The following MGAT4C variants were observed in gnomAD, a reference collection of about 807,000 sequenced individuals.
The protein encoded by MGAT4C is alpha-1,3-mannosyl-glycoprotein 4-beta-N-acetylglucosaminyltransferase C.
MGAT4C carries 19 observed loss-of-function variants against 40.1 expected under a neutral mutation model. That is an observed-to-expected ratio of 0.47 (90% CI 0.33 to 0.70). The LOEUF (loss-of-function observed/expected upper bound fraction) is 0.70, where lower values mean the gene tolerates loss of function less well. Ranked by LOEUF, MGAT4C falls within the 30% of genes least tolerant of loss-of-function variation. The pLI is 0.02. For missense variants in MGAT4C, 491 were observed against 563.2 expected, an observed-to-expected ratio of 0.87 and a Z score of 1.30; for synonymous variants, 181 against 187.1, an observed-to-expected ratio of 0.97 and a Z score of 0.27.
chr12:86,559,856 AGTTGTT>A (rs931389336), intron 2 of MGAT4C, among the ~76,000 whole-genome samples: 6 of 151,962 alleles, frequency 3.9e-5, no homozygotes, highest in Non-Finnish European at 7.4e-5. Context: ...TGAAATAAAT[AGTTGTT>A]GTTGTTGTGT....
chr12:86,136,260 A>G (rs1881937329), intron 1 of MGAT4C, among the ~76,000 whole-genome samples: 1 of 152,168 alleles, frequency 6.6e-6, no homozygotes, highest in Non-Finnish European at 1.5e-5. Context: ...GGTGGGAAAA[A>G]CAAAATGAAA....
At chr12:86,517,850 C>T (rs564222463) in intron 2 of MGAT4C, among the ~76,000 whole-genome samples, 1 of 152,138 alleles carries the variant, frequency 6.6e-6, no homozygotes, top group East Asian at 1.9e-4. Flanking sequence ...GGGGTTTCAC[C>T]GTATTAGCCA....
chr12:86,465,487 G>A (rs1255864209), intron 2 of MGAT4C, among the ~76,000 whole-genome samples: 1 of 151,738 alleles, frequency 6.6e-6, no homozygotes, highest in Non-Finnish European at 1.5e-5. Context: ...TATAATAAAA[G>A]GCCATTATCC....
chr12:86,109,733 C>T lies in MGAT4C; in HGVS notation c.-56-60010G>A, dbSNP rs58736153. On this transcript the variant is annotated intron_variant, in intron 1 of 4. Coordinates refer to ENST00000611864, the MANE Select transcript of MGAT4C (RefSeq NM_001351288.2). Reference sequence around the variant, plus strand: ...ATTATGTCTACCATGTGGCTAGTCACACATTTTTTTAAAAAAAGTGGTAGG... The same window carrying T: ...ATTATGTCTACCATGTGGCTAGTCATACATTTTTTTAAAAAAAGTGGTAGG... Among the ~76,000 whole-genome samples, 474 of 152,026 alleles carry T rather than the reference C, an allele frequency of 3.1e-3. 1 individual carries two copies. Among genetic ancestry groups the T allele is most frequent in the African/African-American group, 0.011 (463 of 41,484 alleles).
rs143738757 is a variant in MGAT4C, at chr12:86,777,626, G to A, written c.-261-50385C>T. Reference sequence around the variant, plus strand: ...TCTCTTATTCAAGGGTGTTAGTTTTGGAAAACTAGAGAGCTGAGATAGAGG... The same window carrying A: ...TCTCTTATTCAAGGGTGTTAGTTTTAGAAAACTAGAGAGCTGAGATAGAGG... On this transcript the variant is annotated intron_variant, in intron 1 of 7. Coordinates refer to the MGAT4C transcript ENST00000548651. Among the ~76,000 whole-genome samples, 64 of 152,178 alleles carry A rather than the reference G, an allele frequency of 4.2e-4. 1 individual carries two copies. Among genetic ancestry groups the A allele is most frequent in the Admixed American group, 1.2e-3 (19 of 15,268 alleles).
At chr12:86,489,941 G>A (rs1160107420) in intron 2 of MGAT4C, among the ~76,000 whole-genome samples, 3 of 151,944 alleles carry the variant, frequency 2.0e-5, no homozygotes, top group South Asian at 2.1e-4. Flanking sequence ...CCAAATCTAC[G>A]TCTAATTGGT....
intron 1 of MGAT4C, among the ~76,000 whole-genome samples, chr12:86,159,596 T>G (rs982537228): frequency 6.6e-6 from 1 of 151,988 alleles, no homozygotes; most frequent in African/African-American, 2.4e-5. Flanking sequence ...TTTAGTAGAA[T>G]TGGTATATTT....
intron 2 of MGAT4C, among the ~76,000 whole-genome samples, chr12:86,504,210 A>G (rs1958429810): frequency 6.6e-6 from 1 of 152,242 alleles, no homozygotes; most frequent in East Asian, 1.9e-4. Flanking sequence ...TTCATATATT[A>G]TTGGTATATT....
intron 2 of MGAT4C, among the ~76,000 whole-genome samples, chr12:86,444,523 T>A (rs1957298974): frequency 6.6e-6 from 1 of 152,198 alleles, no homozygotes; most frequent in Non-Finnish European, 1.5e-5. Context: ...TGATCTCAAT[T>A]CCTGGCTCTC....
chr12:86,566,299 G>A (rs1041298903), intron 2 of MGAT4C, among the ~76,000 whole-genome samples: 3 of 151,404 alleles, frequency 2.0e-5, no homozygotes, highest in African/African-American at 4.9e-5. Flanking sequence ...AATCTAATCC[G>A]CTGCCAGCAC....
intron 2 of MGAT4C, among the ~76,000 whole-genome samples, chr12:86,021,477 C>G (rs1436932547): frequency 6.6e-6 from 1 of 150,912 alleles, no homozygotes; most frequent in Non-Finnish European, 1.5e-5. Context: ...TCTCAGCAAA[C>G]TATTGCAAGG....
intron 3 of MGAT4C, among the ~76,000 whole-genome samples, chr12:86,359,415 A>C (rs1566319745): frequency 1.3e-5 from 2 of 152,198 alleles, no homozygotes. Context: ...CAATTAAAAG[A>C]ACTAGAGAAG....
At chr12:86,369,197 T>C (rs1013641400) in intron 3 of MGAT4C, among the ~76,000 whole-genome samples, 3 of 152,000 alleles carry the variant, frequency 2.0e-5, no homozygotes, top group African/African-American at 4.8e-5. Flanking sequence ...AATTTTCCAT[T>C]GCATGGAATA....
At chr12:86,480,814 T>C (rs17040806) in intron 2 of MGAT4C, among the ~76,000 whole-genome samples, 9,786 of 151,884 alleles carry the variant, frequency 0.064, 750 homozygotes, top group East Asian at 0.23. Context: ...TGATGCTCTC[T>C]TCCCTTCTCT....
chr12:86,772,155 G>T (rs1951651141), intron 1 of MGAT4C, among the ~76,000 whole-genome samples: 2 of 152,078 alleles, frequency 1.3e-5, no homozygotes. Context: ...ATGGCTCATG[G>T]GTCTATTCAA....
At chr12:86,760,775 G>A (rs577298811) in intron 1 of MGAT4C, among the ~76,000 whole-genome samples, 14 of 152,238 alleles carry the variant, frequency 9.2e-5, no homozygotes, top group Admixed American at 2.6e-4. Context: ...CAGCTCAGGG[G>A]AGAGAACTGC....
chr12:86,097,242 TAA>T (rs1301655307), intron 1 of MGAT4C, among the ~76,000 whole-genome samples: 6 of 151,672 alleles, frequency 4.0e-5, no homozygotes, highest in African/African-American at 1.4e-4. Flanking sequence ...ATATTTAATT[TAA>T]GTGTTGTATT....
chr12:86,031,877 T>G (rs117474627), intron 2 of MGAT4C, among the ~76,000 whole-genome samples: 2,749 of 152,008 alleles, frequency 0.018, 42 homozygotes, highest in Non-Finnish European at 0.029. Flanking sequence ...GTAATACGCA[T>G]AGTACCTGAT....
chr12:85,962,456 A>G lies in MGAT4C; in HGVS notation c.*16833T>C. ...ATTTTATAATTAATTATAAAATAAA[A>G]TATTAACAATAATTGAACATTGTTT... On this transcript the variant is annotated 3_prime_UTR_variant, in exon 5 of 5. Transcript: ENST00000611864. The G allele has an allele frequency of 6.7e-6, 1 of 148,390 alleles. No homozygotes were observed. Among genetic ancestry groups the G allele is most frequent in the South Asian group, 2.1e-4 (1 of 4,788 alleles). 9.2% of individuals were successfully genotyped at this position (148,390 alleles called of 1,614,324 possible).
Sources: gnomAD v4.1 joint callset for allele counts (sites outside exome capture counted in the v4.1 genomes callset) on GRCh38, gnomAD v4.1.1 for gene constraint, MANE v1.5 for transcripts, NCBI Gene and HGNC (gene_info 2026-07-23, HGNC 2026-07-21) for gene names.